Variants in GET4 observed in about 807,000 individuals in gnomAD.
GET4 encodes the protein guided entry of tail-anchored proteins factor 4.
In GET4, 20 loss-of-function variants were observed where a neutral mutation model predicts 40.0. The observed-to-expected ratio is 0.50, with a 90% confidence interval of 0.35 to 0.73. GET4 has a LOEUF of 0.73. Among genes scored for constraint, GET4 ranks in the 30% least tolerant of loss-of-function variants. The probability of loss-of-function intolerance (pLI) is 0.01; values close to 1 mark genes in which losing one functional copy is unlikely to be tolerated. For missense variants in GET4, 557 were observed against 454.0 expected (o/e 1.23, Z -2.06); for synonymous variants, 280 against 194.6 (o/e 1.44, Z -3.65).
intron 1 of GET4, chr7:878,253 GTTGA>G: frequency 2.1e-6 from 1 of 470,968 alleles, no homozygotes; most frequent in Admixed American, 2.3e-5. Flanking sequence ...GCGTGGCTTG[GTTGA>G]TTGTCTTCAG....
chr7:893,506 GTGGTT>G (rs1844388553), intron 6 of GET4, among the ~76,000 whole-genome samples: 1 of 119,548 alleles, frequency 8.4e-6, no homozygotes, highest in African/African-American at 2.8e-5. Context: ...TGCGGGCATG[GTGGTT>G]GCAGGTGAGT....
chr7:879,993 A>G (rs1844051383), intron 1 of GET4: 1 of 152,162 alleles, frequency 6.6e-6, no homozygotes, highest in South Asian at 2.1e-4. Context: ...GGGAACTTTT[A>G]TGTTGTTCAG....
intron 1 of GET4, chr7:878,298 T>C (rs1844009911): frequency 2.1e-6 from 1 of 471,178 alleles, no homozygotes; most frequent in South Asian, 1.5e-5. Context: ...TTTGCTGTCA[T>C]ACAGTTACTG....
intron 1 of GET4, chr7:880,197 T>C (rs969633412): frequency 1.3e-5 from 2 of 152,182 alleles, no homozygotes; most frequent in African/African-American, 4.8e-5. Context: ...CAGAATTAGC[T>C]GGGTGTGGTG....
Position 886,558 on chromosome 7 carries a change from T to C in GET4, c.235-11T>C, listed in dbSNP as rs1585494274. ...TTGTTCTTGATTCTTGTGTGTTGCT[T>C]TCTCTTGTAGCAAAACAGTGCAGCA... On this transcript the variant is annotated splice_polypyrimidine_tract_variant and intron_variant, in intron 2 of 8. Transcript: ENST00000265857. 1.2e-6 allele frequency: 2 copies of C among 1,603,444 alleles called. No homozygotes were observed. Among genetic ancestry groups the C allele is most frequent in the East Asian group, 4.5e-5 (2 of 44,824 alleles).
At chr7:892,581 GGTGT>G in intron 6 of GET4, 163 bp downstream of exon 6, 1 of 656,050 alleles carries the variant, frequency 1.5e-6, no homozygotes, top group Non-Finnish European at 2.6e-6. Context: ...ACGTGGCATA[GGTGT>G]GTGTGCAGGT....
intron 2 of GET4, 192 bp from the exon 3 acceptor site, chr7:886,377 C>G (rs1247539925): frequency 4.9e-6 from 3 of 611,390 alleles, no homozygotes; most frequent in East Asian, 2.7e-5. Context: ...TATAAACGTC[C>G]CCGTCCATTT....
At position 895,650 on chromosome 7, in the gene GET4, C is replaced by T. The variant is rs975477214; in HGVS notation, c.*228C>T. 3 of 406,254 alleles carry T rather than the reference C, an allele frequency of 7.4e-6. No individual in the cohort carries two copies. Among genetic ancestry groups the T allele is most frequent in the Non-Finnish European group, 1.3e-5 (3 of 224,226 alleles). 25.2% of individuals were successfully genotyped at this position (406,254 alleles called of 1,614,324 possible). On this transcript the variant is annotated 3_prime_UTR_variant, in exon 9 of 9. Transcript: ENST00000265857. Reference sequence around the variant, plus strand: ...GTCGCCCCTGCTGGCCGCCGCGTCCCCCGAGATTGACCCACAATAAAGCAC... The same window carrying T: ...GTCGCCCCTGCTGGCCGCCGCGTCCTCCGAGATTGACCCACAATAAAGCAC...
At position 895,583 on chromosome 7, in the gene GET4, G is replaced by C. The variant is rs2272376; in HGVS notation, c.*161G>C. 3 of 498,328 alleles carry C rather than the reference G, an allele frequency of 6.0e-6. No individual in the cohort carries two copies. The highest frequency in any genetic ancestry group is 6.0e-5 in the African/African-American group (3 of 50,110). The allele number at this position is 498,328 out of a possible 1,614,324, so 30.9% of individuals were successfully genotyped here. On this transcript the variant is annotated 3_prime_UTR_variant, in exon 9 of 9. Transcript: ENST00000265857. ...TTTCTGTGCGGCGGCTCAGGGTGGC[G>C]CGGCTGCTGCTCACTGTGCTGCTGG...
chr7:891,694 G>A (rs889083243), intron 5 of GET4, among the ~76,000 whole-genome samples: 5 of 152,270 alleles, frequency 3.3e-5, no homozygotes, highest in Non-Finnish European at 7.3e-5. Flanking sequence ...GGGATTTGAT[G>A]TAGGATTTGG....
In GET4 at chr7:895,717, G is replaced by A. The variant is rs1844467807; in HGVS notation, c.*295G>A. 4.5e-6 allele frequency: 1 copy of A among 221,084 alleles called. No individual in the cohort carries two copies. The highest frequency in any genetic ancestry group is 8.9e-6 in the Non-Finnish European group (1 of 111,914). The allele number at this position is 221,084 out of a possible 1,614,324, so 13.7% of individuals were successfully genotyped here. On this transcript the variant is annotated 3_prime_UTR_variant, in exon 9 of 9. Coordinates refer to ENST00000265857, the MANE Select transcript of GET4 (RefSeq NM_015949.3). ...TCACCCTCTCCCACTCCTTTGTTCT[G>A]GGTCCTTTCGGGAGGGCTGATGGGC...
rs1017484399 is a variant in GET4, at chr7:891,038, G to A, written c.577G>A (p.Asp193Asn). Residue 193 changes from aspartate (D) to asparagine (N), a missense_variant, in exon 5 of 9, where the codon GAC becomes AAC. Transcript: ENST00000265857. ...STSRGFRSEV[D>N]MFVAQAVLQF... Reference sequence around the variant, plus strand: ...GTCCCGCGGCTTCCGCAGCGAGGTGGACATGTTCGTGGCCCAGGCCGTGCT... The same window carrying A: ...GTCCCGCGGCTTCCGCAGCGAGGTGAACATGTTCGTGGCCCAGGCCGTGCT... The A allele has an allele frequency of 6.2e-7, 1 of 1,608,700 alleles. No homozygotes were observed. The highest frequency in any genetic ancestry group is 8.5e-7 in the Non-Finnish European group (1 of 1,176,118).
chr7:878,567 T>C (rs561008825), intron 1 of GET4, among the ~76,000 whole-genome samples: 1 of 150,780 alleles, frequency 6.6e-6, no homozygotes, highest in Non-Finnish European at 1.5e-5. Flanking sequence ...TTTTTCCTTT[T>C]AATAAACTTT....
intron 4 of GET4, 102 bp from the exon 5 acceptor site, chr7:890,826 G>C: frequency 1.1e-6 from 1 of 934,106 alleles, no homozygotes; most frequent in Non-Finnish European, 1.7e-6. Context: ...CTCCTCCAGG[G>C]CGGGCAGGTG....
At chr7:886,339 C>T (rs943767822) in intron 2 of GET4, 7 of 605,948 alleles carry the variant, frequency 1.2e-5, no homozygotes, top group East Asian at 1.1e-4. Context: ...CGTTTGTGCA[C>T]GATGGGGCTG....
chr7:886,705 C>A, intron 3 of GET4, 55 bp downstream of exon 3: 2 of 1,095,188 alleles, frequency 1.8e-6, no homozygotes, highest in Non-Finnish European at 2.8e-6. Flanking sequence ...CAGTACGCCC[C>A]TCCCCGGGTC....
At chr7:889,154 G>A (rs1313741730) in intron 4 of GET4, among the ~76,000 whole-genome samples, 1 of 152,276 alleles carries the variant, frequency 6.6e-6, no homozygotes, top group Non-Finnish European at 1.5e-5. Flanking sequence ...TGGGAGGGCT[G>A]CGCTCGGCGC....
intron 1 of GET4, among the ~76,000 whole-genome samples, chr7:878,648 G>C (rs890000107): frequency 2.0e-5 from 3 of 148,070 alleles, no homozygotes; most frequent in African/African-American, 7.5e-5. Context: ...GTGGGATCTC[G>C]GCTCACTGCA....
In GET4 at chr7:895,351, C is replaced by T; in HGVS notation, c.913C>T (p.Leu305Phe). 6.3e-7 allele frequency: 1 copy of T among 1,585,410 alleles called. No homozygotes were observed. Among genetic ancestry groups the T allele is most frequent in the Non-Finnish European group, 8.6e-7 (1 of 1,156,270 alleles). The part of the protein sequence containing the change: ...GGLLGNLLTS[L>F]MGSSEQEDGE... ...CTTTCCAGGGAACCTTCTGACCAGCCTCATGGGCTCCTCAGAGCAGGAGGA... is the reference window on the plus strand; with the variant it reads ...CTTTCCAGGGAACCTTCTGACCAGCTTCATGGGCTCCTCAGAGCAGGAGGA... The change falls in exon 9 of 9, where the codon CTC (leucine) becomes TTC (phenylalanine). Residue 305 changes from leucine to phenylalanine, a missense_variant. By Grantham distance (22) the Leu-to-Phe change is conservative (BLOSUM62 0). Coordinates refer to ENST00000265857, the MANE Select transcript of GET4 (RefSeq NM_015949.3).
Sources: gnomAD v4.1 joint callset for allele counts (sites outside exome capture counted in the v4.1 genomes callset) on GRCh38, gnomAD v4.1.1 for gene constraint, MANE v1.5 for transcripts, NCBI Gene and HGNC (gene_info 2026-07-23, HGNC 2026-07-21) for gene names.